RETREG1: variants seen among roughly 807,000 people sequenced by gnomAD.
RETREG1 encodes the protein family with sequence similarity 134 member B.
In RETREG1, 44 loss-of-function variants were observed where a neutral mutation model predicts 54.8. The ratio of observed to expected loss-of-function variants is 0.80; its 90% CI spans 0.63 to 1.03. RETREG1 has a LOEUF of 1.03. RETREG1 is among the 50% of genes least tolerant of loss of function. The pLI is 0.00. For synonymous variants in RETREG1, 217 were observed against 238.5 expected (o/e 0.91, Z 0.83); for missense variants, 554 against 605.1 (o/e 0.92, Z 0.89).
Position 16,616,743 on chromosome 5 carries a change from G to A in RETREG1, c.229C>T (p.Leu77=), listed in dbSNP as rs1347583749. 6.3e-7 allele frequency: 1 copy of A among 1,575,988 alleles called. No homozygotes were observed. Among genetic ancestry groups the A allele is most frequent in the Non-Finnish European group, 8.6e-7 (1 of 1,168,826 alleles). The change falls in exon 1 of 9, where the codon CTG becomes TTG. Residue 77 remains leucine (L), a synonymous_variant. Transcript: ENST00000306320. ...TCGTCGGCGCGGCAGCCCAGCCACA[G>A]CACCGGCTCCCCGAGCAGCCAGGTT... ...AVTWLLGEPV[L]WLGCRADELL... is the part of the protein sequence containing the mutation.
At chr5:16,478,640 T>C (rs1047549723) in intron 6 of RETREG1, among the ~76,000 whole-genome samples, 3 of 152,068 alleles carry the variant, frequency 2.0e-5, no homozygotes, top group Non-Finnish European at 2.9e-5. Context: ...ACACTGTGGA[T>C]TAAAAAGTCA....
chr5:16,558,495 C>G (rs1461669570), intron 3 of RETREG1, among the ~76,000 whole-genome samples: 1 of 152,180 alleles, frequency 6.6e-6, no homozygotes, highest in Admixed American at 6.5e-5. Context: ...ACTAAAACAA[C>G]AATGTATCCT....
intron 1 of RETREG1, among the ~76,000 whole-genome samples, chr5:16,598,647 A>C (rs1405679996): frequency 6.6e-6 from 1 of 152,196 alleles, no homozygotes; most frequent in African/African-American, 2.4e-5. Flanking sequence ...CCTGTTACTC[A>C]TATTTGTCAT....
intron 1 of RETREG1, among the ~76,000 whole-genome samples, chr5:16,612,766 T>C (rs908947846): frequency 1.3e-5 from 2 of 152,314 alleles, no homozygotes; most frequent in South Asian, 2.1e-4. Flanking sequence ...TCAGTATTTT[T>C]CATAAAATAT....
chr5:16,521,204 C>A (rs559432362), intron 3 of RETREG1, among the ~76,000 whole-genome samples: 1 of 152,132 alleles, frequency 6.6e-6, no homozygotes, highest in Non-Finnish European at 1.5e-5. Context: ...TGATATGAAG[C>A]CACTTTCTTT....
At chr5:16,570,361 G>A (rs1742142688) in intron 2 of RETREG1, among the ~76,000 whole-genome samples, 1 of 152,136 alleles carries the variant, frequency 6.6e-6, no homozygotes, top group Non-Finnish European at 1.5e-5. Context: ...GTGTGTGAGG[G>A]GCCAGGAGTG....
chr5:16,612,503 G>T (rs1471368125), intron 1 of RETREG1, among the ~76,000 whole-genome samples: 3 of 152,310 alleles, frequency 2.0e-5, no homozygotes, highest in South Asian at 4.1e-4. Flanking sequence ...GAACTGTAAG[G>T]CTATGTTAGT....
intron 3 of RETREG1, among the ~76,000 whole-genome samples, chr5:16,527,640 C>A (rs796858483): frequency 6.6e-6 from 1 of 152,002 alleles, no homozygotes; most frequent in South Asian, 2.1e-4. Context: ...TCTCATAATT[C>A]TTTCTGGGGG....
At chr5:16,572,909 G>A (rs1387565227) in intron 1 of RETREG1, among the ~76,000 whole-genome samples, 2 of 152,058 alleles carry the variant, frequency 1.3e-5, no homozygotes, top group Non-Finnish European at 2.9e-5. Context: ...TATTGGCCGG[G>A]CGTGGTGGCT....
At chr5:16,569,096 T>C (rs1371947939) in intron 2 of RETREG1, among the ~76,000 whole-genome samples, 1 of 152,116 alleles carries the variant, frequency 6.6e-6, no homozygotes, top group Non-Finnish European at 1.5e-5. Flanking sequence ...CTGCAGAGAC[T>C]GATTCATCGC....
chr5:16,485,904 C>T lies in RETREG1; in HGVS notation c.459-2432G>A, dbSNP rs576564697. On this transcript the variant is annotated intron_variant, in intron 3 of 8. Transcript: ENST00000306320. ...TTATCAAAAACTTGAATGCTGGTAG[C>T]ACTATTCCTCTGTGTCTATAGATAA... is the stretch of plus-strand genomic sequence containing the variant. Among the ~76,000 whole-genome samples, 28 of 152,194 alleles carry T rather than the reference C, an allele frequency of 1.8e-4. 1 individual carries two copies. The South Asian group carries it at 5.8e-3, about 32-fold the overall frequency.
chr5:16,565,212 T>C (rs1741975130), intron 3 of RETREG1, among the ~76,000 whole-genome samples: 1 of 152,152 alleles, frequency 6.6e-6, no homozygotes, highest in Non-Finnish European at 1.5e-5. Flanking sequence ...AATGGATGAA[T>C]GATGGACCTT....
At chr5:16,604,726 C>A (rs1743138706) in intron 1 of RETREG1, among the ~76,000 whole-genome samples, 1 of 152,200 alleles carries the variant, frequency 6.6e-6, no homozygotes, top group Non-Finnish European at 1.5e-5. Flanking sequence ...CCACACCTCA[C>A]CCAATGTGTT....
At chr5:16,514,900 C>T (rs1037647166) in intron 3 of RETREG1, among the ~76,000 whole-genome samples, 1 of 144,126 alleles carries the variant, frequency 6.9e-6, no homozygotes, top group Admixed American at 7.0e-5. Context: ...CCATGGCATG[C>T]ATATATATAT....
intron 1 of RETREG1, among the ~76,000 whole-genome samples, chr5:16,607,099 C>T (rs1436143229): frequency 6.6e-6 from 1 of 152,178 alleles, no homozygotes; most frequent in Non-Finnish European, 1.5e-5. Flanking sequence ...TCCTGAAAGG[C>T]CAATGATGAC....
intron 3 of RETREG1, among the ~76,000 whole-genome samples, chr5:16,490,166 G>T (rs2447807): frequency 0.11 from 17,008 of 151,944 alleles, 1,020 homozygotes; most frequent in East Asian, 0.21. Flanking sequence ...GAGTTCTTGG[G>T]TCCTGTTGGG....
intron 3 of RETREG1, among the ~76,000 whole-genome samples, chr5:16,488,467 C>T (rs1006214694): frequency 6.6e-6 from 1 of 152,116 alleles, no homozygotes. Context: ...TCCAAGGGGC[C>T]AGAGTTTGCA....
Position 16,541,605 on chromosome 5 carries a change from T to C in RETREG1, c.458+24158A>G, listed in dbSNP as rs371356840. Among the ~76,000 whole-genome samples, 8 of 152,054 alleles carry C rather than the reference T, an allele frequency of 5.3e-5. No individual in the cohort carries two copies. The East Asian group carries it at 1.2e-3, about 22-fold the overall frequency. Reference sequence around the variant, plus strand: ...AGGAGGCTGAGGCAGGAGAATCCCTTGAACCCAGGAGGCAAAGGTTGCAGT... The same window carrying C: ...AGGAGGCTGAGGCAGGAGAATCCCTCGAACCCAGGAGGCAAAGGTTGCAGT... On this transcript the variant is annotated intron_variant, in intron 3 of 8. Coordinates refer to ENST00000306320, the MANE Select transcript of RETREG1 (RefSeq NM_001034850.3).
At chr5:16,587,125 T>G (rs530838092) in intron 1 of RETREG1, among the ~76,000 whole-genome samples, 216 of 152,216 alleles carry the variant, frequency 1.4e-3, no homozygotes, top group African/African-American at 5.2e-3. Flanking sequence ...TAAGGCATAG[T>G]GATAGGTGCT....
Sources: gnomAD v4.1 joint callset for allele counts (sites outside exome capture counted in the v4.1 genomes callset) on GRCh38, gnomAD v4.1.1 for gene constraint, MANE v1.5 for transcripts, NCBI Gene and HGNC (gene_info 2026-07-23, HGNC 2026-07-21) for gene names.